Variants in SLC12A8 observed in about 807,000 individuals in gnomAD.
SLC12A8 encodes the protein cation-chloride cotransporter 9.
In SLC12A8, 69 loss-of-function variants were observed where a neutral mutation model predicts 75.6. The ratio of observed to expected loss-of-function variants is 0.91; its 90% CI spans 0.75 to 1.11. SLC12A8 has a LOEUF of 1.11. SLC12A8 is among the 50% of genes most tolerant of loss of function. The pLI is 0.00. For missense variants in SLC12A8, 877 were observed against 896.7 expected, an observed-to-expected ratio of 0.98 and a Z score of 0.28; for synonymous variants, 365 against 372.8, an observed-to-expected ratio of 0.98 and a Z score of 0.24.
chr3:125,189,814 T>C (rs1934872590), intron 3 of SLC12A8, among the ~76,000 whole-genome samples: 1 of 152,134 alleles, frequency 6.6e-6, no homozygotes, highest in Non-Finnish European at 1.5e-5. Flanking sequence ...CTAGGATGCT[T>C]TGCATAAGAA....
intron 5 of SLC12A8, among the ~76,000 whole-genome samples, chr3:125,144,358 C>T (rs535866808): frequency 8.5e-5 from 13 of 152,298 alleles, no homozygotes; most frequent in African/African-American, 2.6e-4. Flanking sequence ...GCCACTGCTG[C>T]AGCAGTGCTT....
chr3:125,126,385 G>T (rs1368282454), intron 6 of SLC12A8, among the ~76,000 whole-genome samples: 3 of 152,160 alleles, frequency 2.0e-5, no homozygotes, highest in Non-Finnish European at 4.4e-5. Context: ...GACATAGAGG[G>T]CCAGAAAATG....
At chr3:125,137,145 A>G (rs1251816424) in intron 5 of SLC12A8, among the ~76,000 whole-genome samples, 14 of 152,110 alleles carry the variant, frequency 9.2e-5, no homozygotes, top group Admixed American at 9.2e-4. Flanking sequence ...TCCACAAAAG[A>G]AGGCTCCTGC....
intron 5 of SLC12A8, 31 bp from the exon 6 acceptor site, chr3:125,135,813 C>T: frequency 7.6e-7 from 1 of 1,319,402 alleles, no homozygotes; most frequent in Non-Finnish European, 1.1e-6. Context: ...GCAACGTAAG[C>T]CCAGTGAGAA....
At chr3:125,129,430 C>A (rs1045853882) in intron 6 of SLC12A8, among the ~76,000 whole-genome samples, 1 of 152,210 alleles carries the variant, frequency 6.6e-6, no homozygotes, top group Non-Finnish European at 1.5e-5. Context: ...CCCCACTCCA[C>A]CCCTGCAGCC....
intron 5 of SLC12A8, among the ~76,000 whole-genome samples, chr3:125,162,720 C>T (rs1934201444): frequency 6.6e-6 from 1 of 152,198 alleles, no homozygotes; most frequent in East Asian, 1.9e-4. Context: ...CTGGATCCTC[C>T]AAACACCTGC....
chr3:125,123,314 G>T (rs1300505946), intron 6 of SLC12A8, among the ~76,000 whole-genome samples: 1 of 147,046 alleles, frequency 6.8e-6, no homozygotes, highest in Non-Finnish European at 1.5e-5. Flanking sequence ...GGTAGAAGTT[G>T]CAGTGAGCGG....
At chr3:125,210,660 G>T (rs555725577) in intron 2 of SLC12A8, among the ~76,000 whole-genome samples, 3 of 152,314 alleles carry the variant, frequency 2.0e-5, no homozygotes, top group Admixed American at 6.5e-5. Context: ...AAGCAGGAAA[G>T]AAACCCAAGG....
chr3:125,150,700 T>A (rs566875520), intron 5 of SLC12A8, among the ~76,000 whole-genome samples: 1 of 152,172 alleles, frequency 6.6e-6, no homozygotes, highest in South Asian at 2.1e-4. Context: ...CTCCTTGCAG[T>A]GCGATTCTTG....
rs1271947619 is a variant in SLC12A8, at chr3:125,107,563, C to G, written c.1623G>C (p.Lys541Asn). 6.2e-7 allele frequency: 1 copy of G among 1,614,174 alleles called. No individual in the cohort carries two copies. The highest frequency in any genetic ancestry group is 8.5e-7 in the Non-Finnish European group (1 of 1,180,020). The change falls in exon 10 of 14, where the codon AAG (lysine) becomes AAC (asparagine). Residue 541 changes from lysine (K) to asparagine (N), a missense_variant. Transcript: ENST00000469902. Reference sequence around the variant, plus strand: ...TTCCCTCAGGCTGAGTCCCTTCGCTCTTGGAAGTCTGCTTGTTCCAGCAGG... The same window carrying G: ...TTCCCTCAGGCTGAGTCCCTTCGCTGTTGGAAGTCTGCTTGTTCCAGCAGG... The part of the protein sequence containing the change: ...QESCWNKQTS[K>N]SEGTQPEGTY...
At chr3:125,159,746 G>A (rs918709217) in intron 5 of SLC12A8, among the ~76,000 whole-genome samples, 8 of 152,240 alleles carry the variant, frequency 5.3e-5, no homozygotes, top group African/African-American at 1.9e-4. Flanking sequence ...GGAGCTTAGA[G>A]GAAAAATACA....
intron 2 of SLC12A8, among the ~76,000 whole-genome samples, chr3:125,206,128 A>G (rs541070671): frequency 5.3e-5 from 8 of 152,330 alleles, no homozygotes; most frequent in African/African-American, 1.9e-4. Context: ...AGCTTTTTAA[A>G]GATGCTAAAA....
intron 6 of SLC12A8, among the ~76,000 whole-genome samples, chr3:125,134,133 G>T (rs967640504): frequency 6.6e-6 from 1 of 151,650 alleles, no homozygotes; most frequent in African/African-American, 2.4e-5. Flanking sequence ...ACACAGTCTC[G>T]CTCTGTCGCC....
At chr3:125,170,326 G>A (rs1767089) in intron 5 of SLC12A8, among the ~76,000 whole-genome samples, 136,975 of 152,276 alleles carry the variant, frequency 0.9, 62,060 homozygotes, top group Admixed American at 0.95. Flanking sequence ...AAACTTTTGT[G>A]CAGGATGTAC....
intron 6 of SLC12A8, chr3:125,120,937 T>C (rs79020286): frequency 0.01 from 7,180 of 686,124 alleles, 348 homozygotes; most frequent in South Asian, 0.084. Context: ...TCCAAAAGCA[T>C]CCTACCGCTC....
At chr3:125,211,207 G>C (rs542267472) in intron 2 of SLC12A8, 92 bp downstream of exon 2, 1 of 1,022,524 alleles carries the variant, frequency 9.8e-7, no homozygotes, top group East Asian at 2.4e-5. Flanking sequence ...TACATCTAAA[G>C]GGTGCGCTGT....
intron 2 of SLC12A8, 46 bp downstream of exon 2, chr3:125,211,253 G>T: frequency 6.5e-7 from 1 of 1,533,272 alleles, no homozygotes; most frequent in Non-Finnish European, 9.0e-7. Context: ...GGGGATCCCC[G>T]TGCTCACAGG....
chr3:125,206,420 G>A (rs748981375), intron 2 of SLC12A8, among the ~76,000 whole-genome samples: 11 of 152,276 alleles, frequency 7.2e-5, no homozygotes, highest in South Asian at 2.1e-4. Flanking sequence ...TTCTTGACAC[G>A]ACAAGCAAAT....
chr3:125,115,047 G>C (rs982410014), intron 8 of SLC12A8, among the ~76,000 whole-genome samples: 4 of 152,190 alleles, frequency 2.6e-5, no homozygotes, highest in Non-Finnish European at 5.9e-5. Flanking sequence ...TGCCCATAAG[G>C]AGTGTGGAAG....
Sources: gnomAD v4.1 joint callset for allele counts (sites outside exome capture counted in the v4.1 genomes callset) on GRCh38, gnomAD v4.1.1 for gene constraint, MANE v1.5 for transcripts, NCBI Gene and HGNC (gene_info 2026-07-23, HGNC 2026-07-21) for gene names.